TACC2: variants seen among roughly 807,000 people sequenced by gnomAD.
TACC2 encodes the protein transforming acidic coiled-coil-containing protein 2.
TACC2 carries 137 observed loss-of-function variants against 227.3 expected under a neutral mutation model. The observed-to-expected ratio is 0.60, with a 90% CI of 0.52 to 0.69. TACC2 has a LOEUF of 0.69. Among genes scored for constraint, TACC2 ranks in the 30% least tolerant of loss-of-function variants. The pLI, the probability that TACC2 is intolerant of heterozygous loss-of-function variation, is 0.00. For synonymous variants in TACC2, 1,523 were observed against 1,487.5 expected, an observed-to-expected ratio of 1.02 and a Z score of -0.55; for missense variants, 3,470 against 3,694.4, an observed-to-expected ratio of 0.94 and a Z score of 1.57.
At chr10:122,047,938 TTA>T (rs2075218766) in intron 2 of TACC2, among the ~76,000 whole-genome samples, 1 of 152,182 alleles carries the variant, frequency 6.6e-6, no homozygotes, top group South Asian at 2.1e-4. Flanking sequence ...GAAGCATCTT[TTA>T]TGTTTTACCT....
intron 7 of TACC2, among the ~76,000 whole-genome samples, chr10:122,167,751 G>A (rs2093258004): frequency 6.6e-6 from 1 of 152,218 alleles, no homozygotes; most frequent in South Asian, 2.1e-4. Flanking sequence ...TTGAGAAGAC[G>A]TAAGTGCCAG....
intron 19 of TACC2, among the ~76,000 whole-genome samples, chr10:122,242,975 G>A (rs146123180): frequency 1.0e-3 from 159 of 152,168 alleles, no homozygotes; most frequent in African/African-American, 3.6e-3. Context: ...AGACCGTCTC[G>A]TTCTGTCACC....
At chr10:122,215,476 G>C (rs772852288) in intron 10 of TACC2, 25 bp downstream of exon 10, 2 of 1,604,200 alleles carry the variant, frequency 1.2e-6, no homozygotes, top group South Asian at 2.2e-5. Flanking sequence ...TGATCTTGAT[G>C]GTTTTATGCC....
chr10:121,993,392 A>T (rs978560563), intron 1 of TACC2, among the ~76,000 whole-genome samples: 1 of 152,346 alleles, frequency 6.6e-6, no homozygotes, highest in Non-Finnish European at 1.5e-5. Flanking sequence ...ATACATTCAC[A>T]TGAGATAAAA....
chr10:122,229,344 A>G lies in TACC2; in HGVS notation c.7897-2A>G. 6.2e-7 allele frequency: 1 copy of G among 1,613,710 alleles called. No homozygotes were observed. The stretch of plus-strand genomic sequence containing the variant: ...TGTGTCCTCCTCTCTGCCGGCTTTC[A>G]GACAGCTCCCGAGGGCTCCTTTGCC... On this transcript the variant is annotated splice_acceptor_variant, in intron 14 of 22. Coordinates refer to ENST00000369005, the MANE Select transcript of TACC2 (RefSeq NM_206862.4). LOFTEE classifies it high-confidence loss of function.
chr10:122,036,500 CTTTT>C (rs372264940), intron 2 of TACC2, among the ~76,000 whole-genome samples: 3 of 132,074 alleles, frequency 2.3e-5, no homozygotes, highest in Admixed American at 7.9e-5. Context: ...GCAATCCATT[CTTTT>C]TTTTTTTTTT....
chr10:122,057,437 A>C (rs1206661460), intron 3 of TACC2, among the ~76,000 whole-genome samples: 2 of 152,018 alleles, frequency 1.3e-5, no homozygotes, highest in African/African-American at 4.8e-5. Flanking sequence ...TGAGAAATAA[A>C]AGTAAAATCC....
At position 122,081,181 on chromosome 10, in the gene TACC2, T is replaced by G. The variant is rs2079436220; in HGVS notation, c.147-1466T>G. Among the ~76,000 whole-genome samples, 3 of 152,114 alleles carry G rather than the reference T, an allele frequency of 2.0e-5. No homozygotes were observed. The South Asian group carries it at 6.2e-4, about 32-fold the overall frequency. ...TTTTTCTGATTTTTTTTTCCTACAT[T>G]TTCCACACTTTGTGTTGGCCACATA... On this transcript the variant is annotated intron_variant, in intron 3 of 22. Coordinates refer to ENST00000369005, the MANE Select transcript of TACC2 (RefSeq NM_206862.4).
intron 15 of TACC2, 98 bp from the exon 16 acceptor site, chr10:122,230,253 G>T: frequency 1.0e-6 from 1 of 1,004,910 alleles, no homozygotes; most frequent in South Asian, 1.3e-5. Flanking sequence ...TGCCTGTCAT[G>T]ACACATTTTC....
At chr10:122,195,847 G>T (rs992812859) in intron 8 of TACC2, among the ~76,000 whole-genome samples, 1 of 152,192 alleles carries the variant, frequency 6.6e-6, no homozygotes, top group Non-Finnish European at 1.5e-5. Flanking sequence ...AAGAGATAGG[G>T]CCTGCCAGAA....
rs183040606 is a variant in TACC2 at position 122,166,600 on chromosome 10, C to T, written c.5834+22894C>T. On this transcript the variant is annotated intron_variant, in intron 7 of 22. Transcript: ENST00000369005. ...GCTTCCCAAAGGGGCTTGCTAGAAACGCAGAGCCTCAGACCTCACCCCAGA... is the reference window on the plus strand; with the variant it reads ...GCTTCCCAAAGGGGCTTGCTAGAAATGCAGAGCCTCAGACCTCACCCCAGA... Among the ~76,000 whole-genome samples the T allele has an allele frequency of 1.4e-4, 22 of 152,284 alleles. No individual in the cohort carries two copies. The East Asian group carries it at 3.5e-3, about 24-fold the overall frequency.
chr10:122,231,618 G>C (rs1378023380), intron 16 of TACC2, among the ~76,000 whole-genome samples: 1 of 152,206 alleles, frequency 6.6e-6, no homozygotes, highest in African/African-American at 2.4e-5. Flanking sequence ...TTTTACAGAT[G>C]GGAGATGGAG....
In TACC2 at chr10:122,084,844, C is replaced by T. The variant is rs1199597673; in HGVS notation, c.2344C>T (p.Pro782Ser). Residue 782 changes from proline (P) to serine (S), a missense_variant, in exon 4 of 23, where the codon CCC becomes TCC. Coordinates refer to ENST00000369005, the MANE Select transcript of TACC2 (RefSeq NM_206862.4). The part of the protein sequence containing the change: ...QEFHAGVPHP[P>S]QGENLAADLG... Reference sequence around the variant, plus strand: ...ATTTCATGCTGGGGTGCCACATCCCCCCCAGGGGGAGAACTTGGCAGCAGA... The same window carrying T: ...ATTTCATGCTGGGGTGCCACATCCCTCCCAGGGGGAGAACTTGGCAGCAGA... 1.2e-6 allele frequency: 2 copies of T among 1,613,890 alleles called. No homozygotes were observed. The highest frequency in any genetic ancestry group is 1.1e-5 in the South Asian group (1 of 91,082).
intron 22 of TACC2, among the ~76,000 whole-genome samples, chr10:122,252,745 G>A (rs900498430): frequency 9.9e-5 from 15 of 151,948 alleles, no homozygotes; most frequent in East Asian, 1.9e-4. Context: ...CACCCGCCTC[G>A]GCCTCCCAAA....
chr10:122,070,529 G>A (rs527701705), intron 3 of TACC2, among the ~76,000 whole-genome samples: 4 of 152,134 alleles, frequency 2.6e-5, no homozygotes, highest in South Asian at 2.1e-4. Flanking sequence ...TAAGGCGGGC[G>A]GATCACCTGA....
At chr10:122,094,456 T>G (rs2081160157) in intron 5 of TACC2, among the ~76,000 whole-genome samples, 1 of 152,110 alleles carries the variant, frequency 6.6e-6, no homozygotes, top group African/African-American at 2.4e-5. Flanking sequence ...TTTTCAACTT[T>G]TTTGTAGAGA....
chr10:122,132,504 G>C, intron 5 of TACC2, 105 bp from the exon 6 acceptor site: 1 of 1,361,178 alleles, frequency 7.3e-7, no homozygotes, highest in Non-Finnish European at 1.0e-6. Context: ...AGCGGAGATC[G>C]CGCCATTGCC....
Position 122,082,671 on chromosome 10 carries a change from C to T in TACC2, c.171C>T (p.Gly57=), listed in dbSNP as rs774831593. Residue 57 remains glycine (G), a synonymous_variant, in exon 4 of 23, where the codon GGC becomes GGT. Coordinates refer to ENST00000369005, the MANE Select transcript of TACC2 (RefSeq NM_206862.4). Reference sequence around the variant, plus strand: ...GCATTGGCAGCGTTGGGCTTGGAGGCTTCTGCACCGCTTCTGAGAGTTCTG... The same window carrying T: ...GCATTGGCAGCGTTGGGCTTGGAGGTTTCTGCACCGCTTCTGAGAGTTCTG... ...ASSIGSVGLG[G]FCTASESSAS... The T allele has an allele frequency of 1.2e-6, 2 of 1,613,152 alleles. No individual in the cohort carries two copies. Among genetic ancestry groups the T allele is most frequent in the African/African-American group, 1.3e-5 (1 of 74,866 alleles).
chr10:122,053,627 G>T (rs907298584), intron 3 of TACC2, among the ~76,000 whole-genome samples: 2 of 152,126 alleles, frequency 1.3e-5, no homozygotes, highest in African/African-American at 4.8e-5. Flanking sequence ...TCTTTGGCGA[G>T]GCTTTGGGAG....
Sources: gnomAD v4.1 joint callset for allele counts (sites outside exome capture counted in the v4.1 genomes callset) on GRCh38, gnomAD v4.1.1 for gene constraint, MANE v1.5 for transcripts, NCBI Gene and HGNC (gene_info 2026-07-23, HGNC 2026-07-21) for gene names.